SPHKAP: variants seen among roughly 807,000 people sequenced by gnomAD.
The protein encoded by SPHKAP is A-kinase anchor protein SPHKAP.
SPHKAP carries 67 observed loss-of-function variants against 137.5 expected under a neutral mutation model. That is an observed-to-expected ratio of 0.49 (90% CI 0.40 to 0.60). The LOEUF is 0.60. Among genes scored for constraint, SPHKAP ranks in the 20% least tolerant of loss-of-function variants. The pLI, the probability that SPHKAP is intolerant of heterozygous loss-of-function variation, is 0.00. For synonymous variants in SPHKAP, 813 were observed against 785.3 expected (o/e 1.04, Z -0.59); for missense variants, 2,097 against 2,069.3 (o/e 1.01, Z -0.26).
intron 3 of SPHKAP, among the ~76,000 whole-genome samples, chr2:228,080,070 T>C (rs113945472): frequency 6.7e-6 from 1 of 149,872 alleles, no homozygotes; most frequent in African/African-American, 2.5e-5. Flanking sequence ...GTAACAATGT[T>C]TTTTTTTTTA....
intron 2 of SPHKAP, among the ~76,000 whole-genome samples, chr2:228,120,554 C>T (rs4311051): frequency 1.3e-5 from 2 of 152,118 alleles, no homozygotes; most frequent in Admixed American, 6.6e-5. Flanking sequence ...ACCTGCATAG[C>T]TTCCACACAG....
chr2:228,033,941 T>G (rs1695463199), intron 3 of SPHKAP, among the ~76,000 whole-genome samples: 1 of 151,942 alleles, frequency 6.6e-6, no homozygotes, highest in Non-Finnish European at 1.5e-5. Context: ...AAATCCAAAA[T>G]CGACACCCTA....
intron 7 of SPHKAP, among the ~76,000 whole-genome samples, chr2:227,997,939 C>T (rs2106172345): frequency 6.6e-6 from 1 of 152,310 alleles, no homozygotes; most frequent in Non-Finnish European, 1.5e-5. Context: ...TAGAGAGCTC[C>T]ACTTGTTAAG....
chr2:228,020,485 G>GC (rs1694798727), intron 6 of SPHKAP, among the ~76,000 whole-genome samples: 1 of 152,104 alleles, frequency 6.6e-6, no homozygotes, highest in African/African-American at 2.4e-5. Context: ...ACCAAACACC[G>GC]CATGTTCTCA....
intron 2 of SPHKAP, among the ~76,000 whole-genome samples, chr2:228,119,290 T>C (rs921492901): frequency 4.6e-5 from 7 of 152,306 alleles, no homozygotes; most frequent in South Asian, 4.1e-4. Flanking sequence ...TTATCCTTCA[T>C]TGAAAAGACA....
chr2:228,007,419 C>G (rs1694184054), intron 7 of SPHKAP, among the ~76,000 whole-genome samples: 1 of 152,102 alleles, frequency 6.6e-6, no homozygotes, highest in African/African-American at 2.4e-5. Context: ...AGAACATGTT[C>G]TGTCTAACTA....
At position 228,016,418 on chromosome 2, in the gene SPHKAP, C is replaced by T. The variant is rs1042236809; in HGVS notation, c.4436G>A (p.Cys1479Tyr). The stretch of plus-strand genomic sequence containing the variant: ...ACGATTCACTCACCTATGGATTTGA[C>T]AAGCGCTCACGGCTGTGTCTCCACC... ...VRGGDTAVSA[C>Y]QIHSDSLDTR... Residue 1479 changes from cysteine (C) to tyrosine (Y), a missense_variant, in exon 7 of 12, where the codon TGT becomes TAT. Physicochemically the swap from Cys to Tyr is radical, Grantham distance 194 (BLOSUM62 -2). Coordinates refer to ENST00000392056, the MANE Select transcript of SPHKAP (RefSeq NM_001142644.2). 2.5e-6 allele frequency: 4 copies of T among 1,591,768 alleles called. No homozygotes were observed. The highest frequency in any genetic ancestry group is 1.4e-5 in the African/African-American group (1 of 73,740).
At position 227,981,465 on chromosome 2, in the gene SPHKAP, ATT is replaced by A. The variant is rs1271888938; in HGVS notation, c.*250_*251del. 3.2e-6 allele frequency: 1 copy of A among 311,196 alleles called. No homozygotes were observed. Among genetic ancestry groups the A allele is most frequent in the Non-Finnish European group, 5.8e-6 (1 of 172,780 alleles). The allele number at this position is 311,196 out of a possible 1,614,324, so 19.3% of individuals were successfully genotyped here. ...AGCATTCTAATTTGGGCCCCATTGAATTCTCTCTTTGTCCAGCCCTTCTAATC... is the reference window on the plus strand; with the variant it reads ...AGCATTCTAATTTGGGCCCCATTGAACTCTCTTTGTCCAGCCCTTCTAATC... On this transcript the variant is annotated 3_prime_UTR_variant, in exon 12 of 12. Coordinates refer to ENST00000392056, the MANE Select transcript of SPHKAP (RefSeq NM_001142644.2).
In SPHKAP at chr2:228,017,460, A is replaced by G. The variant is rs760264306; in HGVS notation, c.3394T>C (p.Phe1132Leu). ...CESITDEFSR[F>L]MVNQMENEGR... ...TCATTTTCCATCTGGTTCACCATGA[A>G]CCTGGAAAACTCATCGGTGATGCTC... Residue 1132 changes from phenylalanine to leucine, a missense_variant, in exon 7 of 12, where the codon TTC becomes CTC. Phe to Leu is a conservative substitution (Grantham distance 22). Transcript: ENST00000392056. The G allele has an allele frequency of 1.1e-5, 17 of 1,613,738 alleles. No individual in the cohort carries two copies. The Admixed American group carries it at 2.5e-4, about 24-fold the overall frequency.
chr2:228,064,905 T>C (rs1195765654), intron 3 of SPHKAP, among the ~76,000 whole-genome samples: 1 of 152,206 alleles, frequency 6.6e-6, no homozygotes, highest in East Asian at 1.9e-4. Flanking sequence ...TCTTGACTGC[T>C]TATTATCAGG....
intron 2 of SPHKAP, among the ~76,000 whole-genome samples, chr2:228,117,883 T>C (rs1237123547): frequency 6.6e-6 from 1 of 151,628 alleles, no homozygotes; most frequent in Non-Finnish European, 1.5e-5. Flanking sequence ...AAAATTTTAT[T>C]GGTTCATTGA....
At chr2:228,179,244 C>G (rs575126925) in intron 1 of SPHKAP, among the ~76,000 whole-genome samples, 1 of 152,276 alleles carries the variant, frequency 6.6e-6, no homozygotes, top group East Asian at 1.9e-4. Flanking sequence ...CAGACTTGGA[C>G]ATCACAAGCC....
chr2:228,171,823 T>C (rs992745291), intron 1 of SPHKAP, among the ~76,000 whole-genome samples: 4 of 152,130 alleles, frequency 2.6e-5, no homozygotes, highest in African/African-American at 9.7e-5. Context: ...GTCTGCTCAA[T>C]AAATGTTGAC....
At chr2:228,042,511 A>T (rs2106260339) in intron 3 of SPHKAP, among the ~76,000 whole-genome samples, 1 of 152,190 alleles carries the variant, frequency 6.6e-6, no homozygotes, top group East Asian at 1.9e-4. Context: ...ATTTCCCCAA[A>T]ATACCCTTTT....
chr2:228,081,402 T>G (rs1355963377), intron 3 of SPHKAP, among the ~76,000 whole-genome samples: 1 of 152,188 alleles, frequency 6.6e-6, no homozygotes, highest in Non-Finnish European at 1.5e-5. Context: ...CTTGTCAAAA[T>G]AAATTTGTAA....
At chr2:228,088,126 A>G (rs1697597462) in intron 3 of SPHKAP, among the ~76,000 whole-genome samples, 1 of 152,172 alleles carries the variant, frequency 6.6e-6, no homozygotes, top group African/African-American at 2.4e-5. Flanking sequence ...AAATAAAATC[A>G]CAAGAAAAGT....
intron 3 of SPHKAP, among the ~76,000 whole-genome samples, chr2:228,047,474 A>G (rs1248961786): frequency 6.6e-6 from 1 of 152,012 alleles, no homozygotes; most frequent in South Asian, 2.1e-4. Context: ...CTCAAAAAAA[A>G]AAAAAAAACA....
chr2:228,113,488 C>T (rs987443166), intron 2 of SPHKAP, among the ~76,000 whole-genome samples: 6 of 152,000 alleles, frequency 3.9e-5, no homozygotes, highest in Admixed American at 6.6e-5. Context: ...TTTTGCAGAA[C>T]GAGAATTTCA....
Position 228,017,190 on chromosome 2 carries a change from C to G in SPHKAP, c.3664G>C (p.Gly1222Arg). The change falls in exon 7 of 12, where the codon GGC becomes CGC. Residue 1222 changes from glycine (G) to arginine (R), a missense_variant. Coordinates refer to ENST00000392056, the MANE Select transcript of SPHKAP (RefSeq NM_001142644.2). Reference sequence around the variant, plus strand: ...GATCGCAGAGAAGGAGACAGCAGGCCGGCTGTCCAATCCTGGCTGCTCCGT... The same window carrying G: ...GATCGCAGAGAAGGAGACAGCAGGCGGGCTGTCCAATCCTGGCTGCTCCGT... ...SRRSSQDWTA[G>R]LLSPSLRSPV... 1 of 1,613,812 alleles carries G rather than the reference C, an allele frequency of 6.2e-7. No homozygotes were observed. The highest frequency in any genetic ancestry group is 1.3e-5 in the African/African-American group (1 of 74,992).
Sources: gnomAD v4.1 joint callset for allele counts (sites outside exome capture counted in the v4.1 genomes callset) on GRCh38, gnomAD v4.1.1 for gene constraint, MANE v1.5 for transcripts, NCBI Gene and HGNC (gene_info 2026-07-23, HGNC 2026-07-21) for gene names.